Variants in RAPGEF1 observed in about 807,000 individuals in gnomAD.
The protein encoded by RAPGEF1 is Rap guanine nucleotide exchange factor 1, also known as CRK SH3-binding GNRP.
Under a neutral mutation model 143.3 loss-of-function variants are expected in RAPGEF1, and 33 were observed. The observed-to-expected ratio is 0.23, with a 90% CI of 0.17 to 0.31. The LOEUF (loss-of-function observed/expected upper bound fraction) is 0.31, where lower values mean the gene tolerates loss of function less well. RAPGEF1 is among the 10% of genes least tolerant of loss of function. The probability of loss-of-function intolerance (pLI) is 1.00; values close to 1 mark genes in which losing one functional copy is unlikely to be tolerated. For missense variants in RAPGEF1, 1,199 were observed against 1,645.4 expected, an observed-to-expected ratio of 0.73 and a Z score of 4.69; for synonymous variants, 629 against 676.5, an observed-to-expected ratio of 0.93 and a Z score of 1.09.
At chr9:131,608,750 C>T (rs189786171) in intron 12 of RAPGEF1, among the ~76,000 whole-genome samples, 1 of 152,302 alleles carries the variant, frequency 6.6e-6, no homozygotes, top group East Asian at 1.9e-4. Context: ...CCTTGCTGTG[C>T]CCCTTGGGCT....
rs768282815 is a variant in RAPGEF1, at chr9:131,582,591, G to C, written c.3512+14C>G. The C allele has an allele frequency of 8.7e-6, 13 of 1,495,682 alleles. No homozygotes were observed. Among genetic ancestry groups the C allele is most frequent in the Non-Finnish European group, 1.1e-5 (12 of 1,128,518 alleles). 92.7% of individuals were successfully genotyped at this position (1,495,682 alleles called of 1,614,324 possible). A position where few individuals can be genotyped will look rare whatever the true frequency, so the allele number is the denominator to read the frequency against. On this transcript the variant is annotated intron_variant, in intron 25 of 26. Transcript: ENST00000683357. ...CCCAGGCGGGGCTGGGGGCCTGGAG[G>C]GGCTGCTACTCACAGGTACGGGATG...
chr9:131,591,143 C>T (rs1368739568), intron 18 of RAPGEF1, among the ~76,000 whole-genome samples: 1 of 152,198 alleles, frequency 6.6e-6, no homozygotes, highest in Non-Finnish European at 1.5e-5. Flanking sequence ...CAGAACTTGC[C>T]GGGGACCCGA....
chr9:131,579,327 G>A lies in RAPGEF1; in HGVS notation c.*170C>T. The A allele has an allele frequency of 1.1e-6, 1 of 891,476 alleles. No individual in the cohort carries two copies. Among genetic ancestry groups the A allele is most frequent in the African/African-American group, 1.7e-5 (1 of 59,582 alleles). 55.2% of individuals were successfully genotyped at this position (891,476 alleles called of 1,614,324 possible). ...TCTGCTCCCACAGAGGAAGGAGGCAGGAAGCGGCTGGCAGGCTCCAGCTCC... is the reference window on the plus strand; with the variant it reads ...TCTGCTCCCACAGAGGAAGGAGGCAAGAAGCGGCTGGCAGGCTCCAGCTCC... On this transcript the variant is annotated 3_prime_UTR_variant, in exon 27 of 27. Transcript: ENST00000683357.
intron 16 of RAPGEF1, among the ~76,000 whole-genome samples, chr9:131,596,638 C>G (rs1047297019): frequency 6.6e-6 from 1 of 152,152 alleles, no homozygotes; most frequent in Admixed American, 6.5e-5. Context: ...ACCAAGGCAC[C>G]AGGGCATGCC....
intron 1 of RAPGEF1, among the ~76,000 whole-genome samples, chr9:131,710,957 C>A (rs974406962): frequency 3.9e-5 from 6 of 152,242 alleles, no homozygotes; most frequent in African/African-American, 1.4e-4. Flanking sequence ...TCCAGTCTCA[C>A]CTCCTCAGCT....
chr9:131,703,702 A>G (rs1834836746), intron 1 of RAPGEF1, among the ~76,000 whole-genome samples: 1 of 152,216 alleles, frequency 6.6e-6, no homozygotes, highest in Admixed American at 6.5e-5. Flanking sequence ...AAGCACTCCT[A>G]TGATCCCTCA....
At position 131,592,128 on chromosome 9, in the gene RAPGEF1, T is replaced by G. The variant is rs761969009; in HGVS notation, c.2745A>C (p.Pro915=). 1 of 1,612,758 alleles carries G rather than the reference T, an allele frequency of 6.2e-7. No individual in the cohort carries two copies. The highest frequency in any genetic ancestry group is 8.5e-7 in the Non-Finnish European group (1 of 1,178,796). Residue 915 remains proline, a synonymous_variant, in exon 18 of 27, where the codon CCA becomes CCC. Transcript: ENST00000683357. ...FLTTYRTFIS[P]EELIKKLQYR... ...ACTGCAGCTTCTTGATGAGCTCCTCTGGGGAGATGAAGGTCCTGTAGGTGG... is the reference window on the plus strand; with the variant it reads ...ACTGCAGCTTCTTGATGAGCTCCTCGGGGGAGATGAAGGTCCTGTAGGTGG...
At chr9:131,685,618 A>G (rs1055736157) in intron 1 of RAPGEF1, among the ~76,000 whole-genome samples, 11 of 152,182 alleles carry the variant, frequency 7.2e-5, no homozygotes, top group African/African-American at 2.2e-4. Context: ...AGTTAATTTA[A>G]TATCTACGGA....
rs1405283050 is a variant in RAPGEF1, at chr9:131,604,015, A to G, written c.2358T>C (p.Tyr786=). The G allele has an allele frequency of 1.5e-6, 2 of 1,341,424 alleles. No individual in the cohort carries two copies. Among genetic ancestry groups the G allele is most frequent in the East Asian group, 9.5e-5 (2 of 21,148 alleles). 83.1% of individuals were successfully genotyped at this position (1,341,424 alleles called of 1,614,324 possible). ...NASEEAGEGE[Y]VNLYSSGQSS... ...TCTGGCCAGAGGAATACAGATTGAC[A>G]TATTCACCCTCACCAGCTTCCTCAC... Residue 786 remains tyrosine, a synonymous_variant, in exon 14 of 27, where the codon TAT becomes TAC. Coordinates refer to ENST00000683357, the MANE Select transcript of RAPGEF1 (RefSeq NM_001377935.1).
Position 131,628,666 on chromosome 9 carries a change from T to C in RAPGEF1, c.900A>G (p.Pro300=), listed in dbSNP as rs1441260037. 1 of 1,604,246 alleles carries C rather than the reference T, an allele frequency of 6.2e-7. No homozygotes were observed. Among genetic ancestry groups the C allele is most frequent in the South Asian group, 1.1e-5 (1 of 90,564 alleles). Residue 300 remains proline (P), a synonymous_variant, in exon 8 of 27, where the codon CCA becomes CCG. Transcript: ENST00000683357. The surrounding 1 kb of genome is among the most constrained non-coding windows in gnomAD (Gnocchi z 5.7). ...PGIRVVDNSP[P]PALPPKKRQS... ...GTCTTTTCTTGGGTGGCAATGCTGG[T>C]GGAGGACTGAAACAGACCGAAACGT...
At chr9:131,627,816 G>A in intron 9 of RAPGEF1, 97 bp downstream of exon 9, 2 of 1,310,138 alleles carry the variant, frequency 1.5e-6, no homozygotes, top group South Asian at 1.3e-5. Flanking sequence ...AAGCCACGTA[G>A]TCAATGATTG....
At chr9:131,602,028 GGGGGACCCA>G in intron 15 of RAPGEF1, 24 bp downstream of exon 15, 1 of 1,535,292 alleles carries the variant, frequency 6.5e-7, no homozygotes, top group Non-Finnish European at 8.8e-7. Context: ...CACTGCTCTC[GGGGGACCCA>G]GCTCCTCTGG....
intron 18 of RAPGEF1, 30 bp downstream of exon 18, chr9:131,592,069 A>G (rs2296951): frequency 0.13 from 203,764 of 1,522,356 alleles, 15,630 homozygotes; most frequent in Middle Eastern, 0.29. Context: ...CCCATGGTGC[A>G]GGGGCCCTGG....
chr9:131,732,733 A>C (rs1298184059), intron 1 of RAPGEF1, among the ~76,000 whole-genome samples: 1 of 152,242 alleles, frequency 6.6e-6, no homozygotes, highest in Non-Finnish European at 1.5e-5. Flanking sequence ...AGATAATTTG[A>C]GACTTGGAAC....
At chr9:131,637,878 G>T (rs879800353) in intron 5 of RAPGEF1, among the ~76,000 whole-genome samples, 1 of 152,224 alleles carries the variant, frequency 6.6e-6, no homozygotes, top group Non-Finnish European at 1.5e-5. Flanking sequence ...ACGAAGTGGT[G>T]AACTTGGGAT....
chr9:131,638,340 C>T (rs1320218732), intron 5 of RAPGEF1, among the ~76,000 whole-genome samples: 1 of 152,240 alleles, frequency 6.6e-6, no homozygotes, highest in African/African-American at 2.4e-5. Context: ...AAAACGATCT[C>T]CATTGCATTT....
chr9:131,604,018 T>C lies in RAPGEF1; in HGVS notation c.2355A>G (p.Glu785=), dbSNP rs1338821991. 1 of 1,341,076 alleles carries C rather than the reference T, an allele frequency of 7.5e-7. No homozygotes were observed. The highest frequency in any genetic ancestry group is 9.9e-7 in the Non-Finnish European group (1 of 1,007,676). 83.1% of individuals were successfully genotyped at this position (1,341,076 alleles called of 1,614,324 possible). ...GGCCAGAGGAATACAGATTGACATA[T>C]TCACCCTCACCAGCTTCCTCACTGG... ...ENASEEAGEG[E]YVNLYSSGQS... Residue 785 remains glutamate, a synonymous_variant, in exon 14 of 27, where the codon GAA becomes GAG. Coordinates refer to ENST00000683357, the MANE Select transcript of RAPGEF1 (RefSeq NM_001377935.1).
chr9:131,737,590 T>G (rs982363683), intron 1 of RAPGEF1: 2 of 1,508,958 alleles, frequency 1.3e-6, no homozygotes. Flanking sequence ...TTCTCCCAAA[T>G]AGCAGAGAAC....
At chr9:131,662,939 G>A (rs1488603406) in intron 1 of RAPGEF1, among the ~76,000 whole-genome samples, 1 of 151,994 alleles carries the variant, frequency 6.6e-6, no homozygotes, top group Non-Finnish European at 1.5e-5. Flanking sequence ...AAAGTGCTGA[G>A]ATCACAGGTG....
Sources: allele counts gnomAD v4.1 joint callset (sites outside exome capture counted in the v4.1 genomes callset), GRCh38; gene constraint gnomAD v4.1.1; non-coding constraint Gnocchi (gnomAD v3.1); transcripts MANE v1.5; gene names NCBI Gene and HGNC (gene_info 2026-07-23, HGNC 2026-07-21).